Variants in PIEZO2 observed in about 807,000 individuals in gnomAD.
The protein encoded by PIEZO2 is piezo type mechanosensitive ion channel component 2, also known as piezo-type mechanosensitive ion channel component 2.
In PIEZO2, 172 loss-of-function variants were observed where a neutral mutation model predicts 337.3. The ratio of observed to expected loss-of-function variants is 0.51; its 90% CI spans 0.45 to 0.58. The LOEUF (loss-of-function observed/expected upper bound fraction) is 0.58, where lower values mean the gene tolerates loss of function less well. Among genes scored for constraint, PIEZO2 ranks in the 20% least tolerant of loss-of-function variants. The probability of loss-of-function intolerance (pLI) is 0.00; values close to 1 mark genes in which losing one functional copy is unlikely to be tolerated. For missense variants in PIEZO2, 3,028 were observed against 3,391.3 expected, an observed-to-expected ratio of 0.89 and a Z score of 2.66; for synonymous variants, 1,251 against 1,228.5, an observed-to-expected ratio of 1.02 and a Z score of -0.38.
chr18:10,743,662 A>G (rs1038080687), intron 31 of PIEZO2, among the ~76,000 whole-genome samples: 3 of 152,236 alleles, frequency 2.0e-5, no homozygotes, highest in African/African-American at 2.4e-5. Context: ...GATATTATCT[A>G]AAACTATGCT....
intron 36 of PIEZO2, among the ~76,000 whole-genome samples, chr18:10,723,278 G>A (rs1280429679): frequency 6.6e-6 from 1 of 152,138 alleles, no homozygotes; most frequent in Non-Finnish European, 1.5e-5. Context: ...CCAGGAGGCA[G>A]TGATTAACTG....
At chr18:10,970,470 C>CT (rs1481846227) in intron 3 of PIEZO2, among the ~76,000 whole-genome samples, 1 of 152,170 alleles carries the variant, frequency 6.6e-6, no homozygotes, top group African/African-American at 2.4e-5. Context: ...ACATTTCTTC[C>CT]TTTTTTTCAC....
intron 3 of PIEZO2, among the ~76,000 whole-genome samples, chr18:10,966,461 C>T (rs945616624): frequency 6.6e-6 from 1 of 152,176 alleles, no homozygotes; most frequent in African/African-American, 2.4e-5. Context: ...TTTCATAACA[C>T]AAATCTTTAC....
chr18:10,816,303 C>T (rs1027311729), intron 7 of PIEZO2, among the ~76,000 whole-genome samples: 2 of 152,130 alleles, frequency 1.3e-5, no homozygotes, highest in Admixed American at 6.5e-5. Flanking sequence ...TTCTGTGTCT[C>T]GTGGCTTGAA....
At chr18:10,957,406 C>CAACAAA (rs71362193) in intron 3 of PIEZO2, among the ~76,000 whole-genome samples, 1 of 144,966 alleles carries the variant, frequency 6.9e-6, no homozygotes, top group African/African-American at 2.5e-5. Flanking sequence ...AACAAACCAA[C>CAACAAA]AAAAAAAAAA....
chr18:10,769,564 A>G (rs2038511000), intron 21 of PIEZO2, among the ~76,000 whole-genome samples: 2 of 152,258 alleles, frequency 1.3e-5, no homozygotes, highest in Non-Finnish European at 2.9e-5. Flanking sequence ...CCAGGCATAT[A>G]GAAGTATGCA....
At chr18:11,113,959 A>G (rs2865141) in intron 1 of PIEZO2, among the ~76,000 whole-genome samples, 134,258 of 152,310 alleles carry the variant, frequency 0.88, 59,439 homozygotes, top group African/African-American at 0.96. Flanking sequence ...TATTCATGTA[A>G]TTTCAATAGC....
chr18:10,948,005 A>T (rs2033111785), intron 3 of PIEZO2, among the ~76,000 whole-genome samples: 1 of 152,162 alleles, frequency 6.6e-6, no homozygotes, highest in Non-Finnish European at 1.5e-5. Context: ...AAAAGAAGAA[A>T]AGAAAAAAGA....
At chr18:10,823,391 C>T (rs940421218) in intron 7 of PIEZO2, among the ~76,000 whole-genome samples, 2 of 152,104 alleles carry the variant, frequency 1.3e-5, no homozygotes, top group African/African-American at 4.8e-5. Context: ...CTTAAATTGT[C>T]CACTCAACAA....
intron 1 of PIEZO2, among the ~76,000 whole-genome samples, chr18:11,122,855 T>A (rs771157107): frequency 6.6e-6 from 1 of 151,994 alleles, no homozygotes; most frequent in Non-Finnish European, 1.5e-5. Flanking sequence ...CAAGTCTTTA[T>A]CATTTACTTC....
rs1345175798 is a variant in PIEZO2, at chr18:11,110,892, T to C, written c.64+37633A>G. Among the ~76,000 whole-genome samples the C allele has an allele frequency of 6.6e-6, 1 of 152,112 alleles. No individual in the cohort carries two copies. The highest frequency in any genetic ancestry group is 6.5e-5 in the Admixed American group (1 of 15,270). On this transcript the variant is annotated intron_variant, in intron 1 of 55. Coordinates refer to ENST00000674853, the MANE Select transcript of PIEZO2 (RefSeq NM_001378183.1). The surrounding 1 kb of genome is among the most constrained non-coding windows in gnomAD (Gnocchi z 4.2). ...GGGTCACTGCCACCCTCTCCTGAGGTCTGCTCCACACACGAGGTGAGGCCA... is the reference window on the plus strand; with the variant it reads ...GGGTCACTGCCACCCTCTCCTGAGGCCTGCTCCACACACGAGGTGAGGCCA...
In PIEZO2 at chr18:10,676,511, T is replaced by C. The variant is rs1408878632; in HGVS notation, c.8082-1223A>G. 6.6e-6 allele frequency among the ~76,000 whole-genome samples: 1 copy of C among 152,228 alleles called. No individual in the cohort carries two copies. Among genetic ancestry groups the C allele is most frequent in the Non-Finnish European group, 1.5e-5 (1 of 68,036 alleles). On this transcript the variant is annotated intron_variant, in intron 53 of 55. Coordinates refer to ENST00000674853, the MANE Select transcript of PIEZO2 (RefSeq NM_001378183.1). The surrounding 1 kb of genome is among the most constrained non-coding windows in gnomAD (Gnocchi z 5.1). ...GGATAGTATTTTGAGATATATAATATGTTTTTTTCCAAATTTCCTTTTACC... is the reference window on the plus strand; with the variant it reads ...GGATAGTATTTTGAGATATATAATACGTTTTTTTCCAAATTTCCTTTTACC...
chr18:10,722,898 G>C (rs1484317914), intron 36 of PIEZO2, among the ~76,000 whole-genome samples: 1 of 150,360 alleles, frequency 6.7e-6, no homozygotes, highest in Non-Finnish European at 1.5e-5. Context: ...GAGAACTGGA[G>C]AACTAAGTTC....
In PIEZO2 at chr18:10,877,132, G is replaced by A. The variant is rs2042288449; in HGVS notation, c.330-5717C>T. Among the ~76,000 whole-genome samples the A allele has an allele frequency of 1.3e-5, 2 of 152,042 alleles. No individual in the cohort carries two copies. The highest frequency in any genetic ancestry group is 4.1e-4 in the South Asian group (2 of 4,820). ...CTTCTCTACGTCCTACTTAATTGTT[G>A]ATGAGTCCACAAAATTCTGTTCTTC... On this transcript the variant is annotated intron_variant, in intron 4 of 55. Coordinates refer to ENST00000674853, the MANE Select transcript of PIEZO2 (RefSeq NM_001378183.1). The surrounding 1 kb of genome is among the most constrained non-coding windows in gnomAD (Gnocchi z 5.3).
Position 10,784,687 on chromosome 18 carries a change from T to C in PIEZO2, c.2492+97A>G, listed in dbSNP as rs1017498270. On this transcript the variant is annotated intron_variant, in intron 17 of 55. Coordinates refer to ENST00000674853, the MANE Select transcript of PIEZO2 (RefSeq NM_001378183.1). The surrounding 1 kb of genome is among the most constrained non-coding windows in gnomAD (Gnocchi z 4.5). ...CATGGAAAATTCAAGGCTGAAACTT[T>C]TAGATTACTGGCTTCTCGCAAGGTG... 1.7e-6 allele frequency: 2 copies of C among 1,202,916 alleles called. No homozygotes were observed. Among genetic ancestry groups the C allele is most frequent in the East Asian group, 2.6e-5 (1 of 38,498 alleles). The allele number at this position is 1,202,916 out of a possible 1,614,324, so 74.5% of individuals were successfully genotyped here.
rs1486275410 is a variant in PIEZO2 at position 11,149,536 on chromosome 18, G to A, written c.-948C>T. The stretch of plus-strand genomic sequence containing the variant: ...GCCTCGCCCTCGCGGCGCAGCCGGG[G>A]CTCCCCGGCGGCGCGCGCTTCTCCA... On this transcript the variant is annotated 5_prime_UTR_variant, in exon 1 of 56. Coordinates refer to ENST00000674853, the MANE Select transcript of PIEZO2 (RefSeq NM_001378183.1). This position sits in a 1 kb window ranked among gnomAD's most constrained non-coding sequence, Gnocchi z 8.7. Among the ~76,000 whole-genome samples, 1 of 151,666 alleles carries A rather than the reference G, an allele frequency of 6.6e-6. No individual in the cohort carries two copies. Among genetic ancestry groups the A allele is most frequent in the African/African-American group, 2.4e-5 (1 of 41,310 alleles).
At chr18:10,743,786 C>T (rs2037317607) in intron 31 of PIEZO2, among the ~76,000 whole-genome samples, 1 of 152,058 alleles carries the variant, frequency 6.6e-6, no homozygotes, top group East Asian at 1.9e-4. Flanking sequence ...TTACAAAAAC[C>T]CAGGAAGGCA....
At chr18:10,869,241 G>T (rs894208454) in intron 5 of PIEZO2, among the ~76,000 whole-genome samples, 1 of 152,134 alleles carries the variant, frequency 6.6e-6, no homozygotes, top group East Asian at 1.9e-4. Context: ...AATTGTCTCA[G>T]CATCACACAC....
intron 2 of PIEZO2, among the ~76,000 whole-genome samples, chr18:11,065,731 T>C (rs2038124835): frequency 6.6e-6 from 1 of 152,206 alleles, no homozygotes; most frequent in Non-Finnish European, 1.5e-5. Context: ...AAATATCAAA[T>C]GCTGCTCGGC....
Sources: gnomAD v4.1 joint callset for allele counts (sites outside exome capture counted in the v4.1 genomes callset) on GRCh38, gnomAD v4.1.1 for gene constraint, Gnocchi (gnomAD v3.1) non-coding constraint, MANE v1.5 for transcripts, NCBI Gene and HGNC (gene_info 2026-07-23, HGNC 2026-07-21) for gene names.